Variants in GRAMD1B observed in about 807,000 individuals in gnomAD.
GRAMD1B encodes GRAM domain containing 1B.
A neutral mutation model predicts 99.7 loss-of-function variants in GRAMD1B; 37 were observed. The observed-to-expected ratio is 0.37, with a 90% confidence interval of 0.29 to 0.49. GRAMD1B has a LOEUF of 0.49. GRAMD1B is among the 20% of genes least tolerant of loss of function. The probability of loss-of-function intolerance (pLI) is 0.98; values close to 1 mark genes in which losing one functional copy is unlikely to be tolerated. For synonymous variants in GRAMD1B, 427 were observed against 387.6 expected, an observed-to-expected ratio of 1.10 and a Z score of -1.19; for missense variants, 888 against 1,009.2, an observed-to-expected ratio of 0.88 and a Z score of 1.63.
intron 2 of GRAMD1B, among the ~76,000 whole-genome samples, chr11:123,542,498 A>G (rs1944633020): frequency 6.6e-6 from 1 of 152,058 alleles, no homozygotes; most frequent in Non-Finnish European, 1.5e-5. Context: ...GATGCTGGAG[A>G]GTTTGTGCTC....
In GRAMD1B at chr11:123,597,883, G is replaced by A. The variant is rs1951477474; in HGVS notation, c.969+1846G>A. The A allele has an allele frequency of 4.9e-6, 4 of 818,602 alleles. No homozygotes were observed. In the Admixed American group the frequency reaches 6.9e-5, roughly 14 times the overall value. The allele number at this position is 818,602 out of a possible 1,614,324, so 50.7% of individuals were successfully genotyped here. A position where few individuals can be genotyped will look rare whatever the true frequency, so the allele number is the denominator to read the frequency against. ...TAAGAGGATTTGGTTGGGAGAAATAGAACAAGCAGATCTCAGGGAAGCCTG... is the reference window on the plus strand; with the variant it reads ...TAAGAGGATTTGGTTGGGAGAAATAAAACAAGCAGATCTCAGGGAAGCCTG... On this transcript the variant is annotated intron_variant, in intron 7 of 19. Coordinates refer to ENST00000635736, the MANE Select transcript of GRAMD1B (RefSeq NM_001387025.1).
At position 123,493,873 on chromosome 11, in the gene GRAMD1B, G is replaced by A. The variant is rs976914751; in HGVS notation, c.452+12980G>A. ...CCTCCCTGTTAGTGACTCATCACTC[G>A]AACTGCTCTCAGCTCAGATTCCTCA... is the stretch of plus-strand genomic sequence containing the variant. On this transcript the variant is annotated intron_variant, in intron 2 of 19. Transcript: ENST00000635736. Among the ~76,000 whole-genome samples, 5 of 152,102 alleles carry A rather than the reference G, an allele frequency of 3.3e-5. No individual in the cohort carries two copies. In the East Asian group the frequency reaches 7.7e-4, roughly 23 times the overall value.
chr11:123,444,276 A>G (rs555226373), intron 1 of GRAMD1B, among the ~76,000 whole-genome samples: 1 of 152,274 alleles, frequency 6.6e-6, no homozygotes, highest in East Asian at 1.9e-4. Context: ...ATATTATGCT[A>G]GAGTCAGGTT....
rs762751523 is a variant in GRAMD1B, at chr11:123,589,614, T to TTTTATATATATATATATATA, written c.685-4467_685-4466insTTATATATATATATATATAT. ...ACCTGCCACCATGTGTGGCTAATTT[T>TTTTATATATATATATATATA]TATATATATATATATATATATATTT... On this transcript the variant is annotated intron_variant, in intron 4 of 19. Coordinates refer to ENST00000635736, the MANE Select transcript of GRAMD1B (RefSeq NM_001387025.1). Among the ~76,000 whole-genome samples the TTTTATATATATATATATATA allele has an allele frequency of 7.8e-4, 100 of 128,232 alleles. 1 individual carries two copies. The highest frequency in any genetic ancestry group is 3.3e-3 in the African/African-American group (94 of 28,506). The allele number at this position is 128,232 out of a possible 152,430, so 84.1% of individuals were successfully genotyped here.
chr11:123,568,045 G>A (rs1303749206), intron 2 of GRAMD1B, among the ~76,000 whole-genome samples: 1 of 152,176 alleles, frequency 6.6e-6, no homozygotes, highest in Non-Finnish European at 1.5e-5. Context: ...AAATTAGTCA[G>A]CTGGCTGCAA....
chr11:123,577,707 A>G, intron 3 of GRAMD1B, 130 bp downstream of exon 3: 2 of 693,788 alleles, frequency 2.9e-6, no homozygotes, highest in South Asian at 3.5e-5. Context: ...AGAGACAGTC[A>G]TTATCCAGTG....
At chr11:123,599,316 G>A (rs1197995009) in intron 7 of GRAMD1B, 24 of 707,802 alleles carry the variant, frequency 3.4e-5, no homozygotes, top group East Asian at 9.0e-5. Context: ...CCTATCTTGC[G>A]TGGCCCGAGT....
chr11:123,361,966 G>A (rs1165321938), intron 1 of GRAMD1B, among the ~76,000 whole-genome samples: 1 of 152,234 alleles, frequency 6.6e-6, no homozygotes. Context: ...GTAGGCATGA[G>A]AATAGAATTT....
At chr11:123,562,691 C>T (rs1285269883) in intron 2 of GRAMD1B, among the ~76,000 whole-genome samples, 2 of 152,162 alleles carry the variant, frequency 1.3e-5, no homozygotes, top group Non-Finnish European at 2.9e-5. Context: ...TATAAACACT[C>T]AGAATTTTAG....
At chr11:123,533,257 C>A (rs1392861250) in intron 2 of GRAMD1B, among the ~76,000 whole-genome samples, 1 of 152,014 alleles carries the variant, frequency 6.6e-6, no homozygotes, top group African/African-American at 2.4e-5. Flanking sequence ...AGGCGTGAGC[C>A]ACCGCGCCTG....
At chr11:123,508,414 T>C (rs899176167) in intron 2 of GRAMD1B, among the ~76,000 whole-genome samples, 2 of 152,252 alleles carry the variant, frequency 1.3e-5, no homozygotes, top group African/African-American at 4.8e-5. Context: ...CACCTCTTAA[T>C]ACTATACTGT....
At position 123,606,726 on chromosome 11, in the gene GRAMD1B, C is replaced by T. The variant is rs761575476; in HGVS notation, c.1441C>T (p.Pro481Ser). The T allele has an allele frequency of 6.2e-6, 10 of 1,613,002 alleles. No individual in the cohort carries two copies. The highest frequency in any genetic ancestry group is 4.2e-6 in the Non-Finnish European group (5 of 1,179,104). Reference sequence around the variant, plus strand: ...TGAGATGATCGCTCCTGTGAACTCCCCTTCACTGGACTTCAATGACAATGA... The same window carrying T: ...TGAGATGATCGCTCCTGTGAACTCCTCTTCACTGGACTTCAATGACAATGA... ...KIEMIAPVNSPSLDFNDNEDI... is the reference protein window; with the variant it reads ...KIEMIAPVNSSSLDFNDNEDI... The change falls in exon 11 of 20, where the codon CCT (proline) becomes TCT (serine). Residue 481 changes from proline to serine, a missense_variant. Pro to Ser is a moderately conservative substitution (Grantham distance 74). This residue lies in a region of GRAMD1B where 269 missense variants were observed against 296.6 expected (regional missense o/e 0.91). Coordinates refer to ENST00000635736, the MANE Select transcript of GRAMD1B (RefSeq NM_001387025.1).
chr11:123,502,165 C>T (rs1437078322), intron 2 of GRAMD1B, among the ~76,000 whole-genome samples: 1 of 152,158 alleles, frequency 6.6e-6, no homozygotes, highest in East Asian at 1.9e-4. Context: ...CTGTTTGCAC[C>T]TCATCCTGTT....
chr11:123,383,581 C>T (rs1213777687), intron 1 of GRAMD1B, among the ~76,000 whole-genome samples: 1 of 152,132 alleles, frequency 6.6e-6, no homozygotes, highest in African/African-American at 2.4e-5. Flanking sequence ...ATATCCACCA[C>T]CTGGGCTGTC....
At chr11:123,580,130 C>T (rs73615857) in intron 3 of GRAMD1B, among the ~76,000 whole-genome samples, 8,244 of 152,272 alleles carry the variant, frequency 0.054, 337 homozygotes, top group African/African-American at 0.12. Context: ...TAAAAGAGGA[C>T]GGGCTTGTGC....
intron 1 of GRAMD1B, among the ~76,000 whole-genome samples, chr11:123,407,299 C>G (rs1947889989): frequency 6.6e-6 from 1 of 150,836 alleles, no homozygotes; most frequent in South Asian, 2.1e-4. Context: ...ACTCTCGAAA[C>G]CACAGACCAT....
chr11:123,409,481 G>C (rs1267302008), intron 1 of GRAMD1B, among the ~76,000 whole-genome samples: 1 of 152,160 alleles, frequency 6.6e-6, no homozygotes, highest in African/African-American at 2.4e-5. Context: ...GCATATCTTA[G>C]CTGGGACACT....
At chr11:123,373,592 A>C (rs1946600986) in intron 1 of GRAMD1B, among the ~76,000 whole-genome samples, 1 of 152,222 alleles carries the variant, frequency 6.6e-6, no homozygotes, top group African/African-American at 2.4e-5. Flanking sequence ...GGCATAGTGG[A>C]AGAGGATAAA....
intron 2 of GRAMD1B, among the ~76,000 whole-genome samples, chr11:123,504,654 C>G (rs1181482536): frequency 1.3e-5 from 2 of 152,214 alleles, no homozygotes; most frequent in Middle Eastern, 3.4e-3. Flanking sequence ...TCTCTCCTCC[C>G]ACTTCCAACC....
Sources: allele counts gnomAD v4.1 joint callset (sites outside exome capture counted in the v4.1 genomes callset), GRCh38; gene constraint gnomAD v4.1.1; regional missense constraint gnomAD v4.1.1; transcripts MANE v1.5; gene names NCBI Gene and HGNC (gene_info 2026-07-23, HGNC 2026-07-21).